The following XXYLT1 variants were observed in gnomAD, a reference collection of about 807,000 sequenced individuals.
The protein encoded by XXYLT1 is xyloside xylosyltransferase 1.
Under a neutral mutation model 28.9 loss-of-function variants are expected in XXYLT1, and 20 were observed. The ratio of observed to expected loss-of-function variants is 0.69; its 90% CI spans 0.49 to 1.00. The LOEUF (loss-of-function observed/expected upper bound fraction) is 1.00, where lower values mean the gene tolerates loss of function less well. XXYLT1 is among the 50% of genes least tolerant of loss of function. XXYLT1 has a pLI of 0.00. For synonymous variants in XXYLT1, 257 were observed against 253.8 expected, an observed-to-expected ratio of 1.01 and a Z score of -0.12; for missense variants, 542 against 560.1, an observed-to-expected ratio of 0.97 and a Z score of 0.33.
intron 3 of XXYLT1, among the ~76,000 whole-genome samples, chr3:195,109,024 T>A (rs546143788): frequency 6.6e-6 from 1 of 152,332 alleles, no homozygotes; most frequent in African/African-American, 2.4e-5. Flanking sequence ...CCAAAGGTAT[T>A]ATTATTTCCA....
In XXYLT1 at chr3:195,133,876, C is replaced by G. The variant is rs1158639374; in HGVS notation, c.785+22573G>C. Among the ~76,000 whole-genome samples, 1 of 152,106 alleles carries G rather than the reference C, an allele frequency of 6.6e-6. No individual in the cohort carries two copies. The highest frequency in any genetic ancestry group is 1.5e-5 in the Non-Finnish European group (1 of 68,012). Reference sequence around the variant, plus strand: ...AAAGTTTTAAAAAATTAAAAACTTACAAAATGGAAAAAAGCTTACAGAATA... The same window carrying G: ...AAAGTTTTAAAAAATTAAAAACTTAGAAAATGGAAAAAAGCTTACAGAATA... On this transcript the variant is annotated intron_variant, in intron 3 of 3. Coordinates refer to ENST00000310380, the MANE Select transcript of XXYLT1 (RefSeq NM_152531.5). The surrounding 1 kb of genome is among the most constrained non-coding windows in gnomAD (Gnocchi z 4.4).
chr3:195,201,616 C>T (rs1265265043), intron 2 of XXYLT1, among the ~76,000 whole-genome samples: 1 of 152,204 alleles, frequency 6.6e-6, no homozygotes, highest in Non-Finnish European at 1.5e-5. Context: ...GGGCTCACTC[C>T]AGTGGCTTTT....
intron 3 of XXYLT1, among the ~76,000 whole-genome samples, chr3:195,118,827 A>G (rs1230800728): frequency 6.6e-6 from 1 of 152,218 alleles, no homozygotes; most frequent in Non-Finnish European, 1.5e-5. Context: ...AGAATTCCCG[A>G]AGGAGGTGAC....
chr3:195,245,771 T>C (rs2108832180), intron 1 of XXYLT1, among the ~76,000 whole-genome samples: 1 of 152,270 alleles, frequency 6.6e-6, no homozygotes, highest in East Asian at 1.9e-4. Context: ...GCTCAGGCGG[T>C]TCACGGCAGA....
intron 3 of XXYLT1, among the ~76,000 whole-genome samples, chr3:195,086,215 T>A (rs1715719895): frequency 6.6e-6 from 1 of 152,198 alleles, no homozygotes; most frequent in African/African-American, 2.4e-5. Context: ...ATTTTTCTTT[T>A]TTTTTAAGGG....
In XXYLT1 at chr3:195,269,382, T is replaced by A. The variant is rs1231493900; in HGVS notation, c.504+1173A>T. ...CAGAGGTCCCAGGGTCTAGGGACTT[T>A]CTCAGGAGAGGTGAAAGCTGAGTAA... On this transcript the variant is annotated intron_variant, in intron 1 of 3. Transcript: ENST00000310380. Among the ~76,000 whole-genome samples, 4 of 152,176 alleles carry A rather than the reference T, an allele frequency of 2.6e-5. No homozygotes were observed. In the East Asian group the frequency reaches 7.7e-4, roughly 29 times the overall value.
rs1044183117 is a variant in XXYLT1 at position 195,136,594 on chromosome 3, G to A, written c.785+19855C>T. ...ACAAAACAAGGATAAAACCACCTGC[G>A]TTCTTATGTCACTGAATTAGTATGA... is the stretch of plus-strand genomic sequence containing the variant. On this transcript the variant is annotated intron_variant, in intron 3 of 3. Coordinates refer to ENST00000310380, the MANE Select transcript of XXYLT1 (RefSeq NM_152531.5). Among the ~76,000 whole-genome samples the A allele has an allele frequency of 2.3e-4, 35 of 152,246 alleles. No individual in the cohort carries two copies. The South Asian group carries it at 3.1e-3, about 14-fold the overall frequency.
At chr3:195,243,251 C>T (rs188328035) in intron 1 of XXYLT1, among the ~76,000 whole-genome samples, 95 of 151,776 alleles carry the variant, frequency 6.3e-4, no homozygotes, top group African/African-American at 2.2e-3. Flanking sequence ...AGGAGATACA[C>T]GTAATGTAAA....
chr3:195,107,001 C>G (rs1352609185), intron 3 of XXYLT1, among the ~76,000 whole-genome samples: 1 of 152,206 alleles, frequency 6.6e-6, no homozygotes, highest in African/African-American at 2.4e-5. Flanking sequence ...AGAGGCTCCA[C>G]AGAATCTTTT....
chr3:195,072,402 G>T (rs1343429246), intron 3 of XXYLT1, among the ~76,000 whole-genome samples: 1 of 152,174 alleles, frequency 6.6e-6, no homozygotes, highest in Non-Finnish European at 1.5e-5. Flanking sequence ...ACCTCGGCAG[G>T]AACGCTCCCA....
rs2108849314 is a variant in XXYLT1, at chr3:195,257,559, T to TCC, written c.504+12995_504+12996insGG. Among the ~76,000 whole-genome samples the TCC allele has an allele frequency of 6.6e-6, 1 of 151,902 alleles. No individual in the cohort carries two copies. Among genetic ancestry groups the TCC allele is most frequent in the Admixed American group, 6.6e-5 (1 of 15,264 alleles). ...TCCCAGAGATGGGAAGTGGCCGGGG[T>TCC]ACACCACAACCCCAGGCAGTCCAGC... On this transcript the variant is annotated intron_variant, in intron 1 of 3. Transcript: ENST00000310380. This position sits in a 1 kb window ranked among gnomAD's most constrained non-coding sequence, Gnocchi z 4.3.
intron 2 of XXYLT1, among the ~76,000 whole-genome samples, chr3:195,188,500 G>A (rs536326362): frequency 6.6e-6 from 1 of 152,332 alleles, no homozygotes; most frequent in Non-Finnish European, 1.5e-5. Context: ...CAGAATTGCT[G>A]CTGAGCTGAT....
intron 2 of XXYLT1, among the ~76,000 whole-genome samples, chr3:195,219,445 G>A (rs1723723813): frequency 6.6e-6 from 1 of 152,294 alleles, no homozygotes; most frequent in South Asian, 2.1e-4. Flanking sequence ...TTCTGCAAAA[G>A]GCCACACACA....
chr3:195,119,561 G>A lies in XXYLT1; in HGVS notation c.785+36888C>T, dbSNP rs922415482. Reference sequence around the variant, plus strand: ...GGAGAGGATTCCAAGTGAATCAAGTGTAAACACACTCCTAGCCCGGGCCCC... The same window carrying A: ...GGAGAGGATTCCAAGTGAATCAAGTATAAACACACTCCTAGCCCGGGCCCC... On this transcript the variant is annotated intron_variant, in intron 3 of 3. Coordinates refer to ENST00000310380, the MANE Select transcript of XXYLT1 (RefSeq NM_152531.5). Among the ~76,000 whole-genome samples the A allele has an allele frequency of 7.2e-5, 11 of 152,224 alleles. No individual in the cohort carries two copies. The East Asian group carries it at 2.1e-3, about 29-fold the overall frequency.
intron 2 of XXYLT1, among the ~76,000 whole-genome samples, chr3:195,162,729 A>AG (rs1412132791): frequency 6.6e-6 from 1 of 152,256 alleles, no homozygotes; most frequent in Non-Finnish European, 1.5e-5. Flanking sequence ...CATATCCTTT[A>AG]GGATAGGACA....
chr3:195,110,809 G>A (rs1476747821), intron 3 of XXYLT1, among the ~76,000 whole-genome samples: 73 of 101,232 alleles, frequency 7.2e-4, no homozygotes, highest in African/African-American at 2.4e-3. Flanking sequence ...GTATGTGTGC[G>A]TGTGTGTGGT....
chr3:195,269,109 C>T (rs1030264561), intron 1 of XXYLT1, among the ~76,000 whole-genome samples: 2 of 152,226 alleles, frequency 1.3e-5, no homozygotes, highest in African/African-American at 4.8e-5. Flanking sequence ...GCAGCTAGCG[C>T]TGCAGCGGGA....
At chr3:195,160,824 G>A (rs117255018) in intron 2 of XXYLT1, among the ~76,000 whole-genome samples, 1,667 of 152,326 alleles carry the variant, frequency 0.011, 34 homozygotes, top group African/African-American at 0.037. Context: ...GACCCAGGGC[G>A]TGTCCCCAAG....
chr3:195,241,801 CAT>C (rs1433195737), intron 1 of XXYLT1, among the ~76,000 whole-genome samples: 2 of 152,060 alleles, frequency 1.3e-5, no homozygotes, highest in Non-Finnish European at 2.9e-5. Context: ...CACACACACA[CAT>C]GCGCACAACA....
Sources: allele counts gnomAD v4.1 joint callset (sites outside exome capture counted in the v4.1 genomes callset), GRCh38; gene constraint gnomAD v4.1.1; non-coding constraint Gnocchi (gnomAD v3.1); transcripts MANE v1.5; gene names NCBI Gene and HGNC (gene_info 2026-07-23, HGNC 2026-07-21).